The following RYR3 variants were observed in gnomAD, a reference collection of about 807,000 sequenced individuals.
The protein encoded by RYR3 is ryanodine receptor 3, also known as brain ryanodine receptor-calcium release channel.
Under a neutral mutation model 584.3 loss-of-function variants are expected in RYR3, and 207 were observed. The observed-to-expected ratio is 0.35, with a 90% CI of 0.32 to 0.40. The LOEUF (loss-of-function observed/expected upper bound fraction) is 0.40, where lower values mean the gene tolerates loss of function less well. RYR3 is among the 10% of genes least tolerant of loss of function. The probability of loss-of-function intolerance (pLI) is 1.00; values close to 1 mark genes in which losing one functional copy is unlikely to be tolerated. For synonymous variants in RYR3, 2,416 were observed against 2,248.5 expected (o/e 1.07, Z -2.11); for missense variants, 5,616 against 6,089.2 (o/e 0.92, Z 2.59).
At chr15:33,854,322 C>G in intron 96 of RYR3, 67 bp from the exon 97 acceptor site, 1 of 1,332,660 alleles carries the variant, frequency 7.5e-7, no homozygotes, top group Non-Finnish European at 1.0e-6. Context: ...CTTACTTTTT[C>G]CCCCTTATTG....
chr15:33,823,128 A>C, intron 81 of RYR3, 56 bp downstream of exon 81: 2 of 1,452,476 alleles, frequency 1.4e-6, no homozygotes, highest in Non-Finnish European at 1.9e-6. Flanking sequence ...TAAGCATAGG[A>C]GGCAGGGGAA....
intron 1 of RYR3, among the ~76,000 whole-genome samples, chr15:33,466,010 C>G (rs1188420171): frequency 6.6e-6 from 1 of 152,126 alleles, no homozygotes; most frequent in African/African-American, 2.4e-5. Flanking sequence ...ACTCAGAAAT[C>G]TGATTTTGGA....
At chr15:33,435,431 A>C (rs2045597844) in intron 1 of RYR3, among the ~76,000 whole-genome samples, 2 of 152,008 alleles carry the variant, frequency 1.3e-5, no homozygotes, top group Admixed American at 6.5e-5. Context: ...GCTTTTTTCC[A>C]GTCAGTGTAT....
chr15:33,825,899 A>AT (rs2077356483), intron 82 of RYR3: 1 of 503,838 alleles, frequency 2.0e-6, no homozygotes, highest in Non-Finnish European at 3.5e-6. Context: ...CAGCCAGCTA[A>AT]TTTTTTGTAT....
intron 1 of RYR3, among the ~76,000 whole-genome samples, chr15:33,463,569 A>G (rs891754886): frequency 1.3e-5 from 2 of 152,044 alleles, no homozygotes; most frequent in African/African-American, 2.4e-5. Flanking sequence ...TGTCATAGGT[A>G]ATAGGTCACT....
intron 5 of RYR3, among the ~76,000 whole-genome samples, chr15:33,535,142 G>A (rs1477061405): frequency 6.6e-6 from 1 of 152,244 alleles, no homozygotes; most frequent in Non-Finnish European, 1.5e-5. Context: ...TAAATAGGAA[G>A]AGGGTTCCAA....
intron 27 of RYR3, among the ~76,000 whole-genome samples, chr15:33,638,372 C>A (rs1026355425): frequency 1.4e-4 from 21 of 152,194 alleles, no homozygotes; most frequent in African/African-American, 5.1e-4. Context: ...TCAGGCACAT[C>A]TCCAAAGAAA....
intron 16 of RYR3, among the ~76,000 whole-genome samples, chr15:33,593,744 A>G (rs560093787): frequency 2.2e-4 from 34 of 152,236 alleles, no homozygotes; most frequent in Non-Finnish European, 4.0e-4. Context: ...CAAACTGTAG[A>G]AAATAATAAA....
At chr15:33,643,520 G>A (rs1204683081) in intron 27 of RYR3, among the ~76,000 whole-genome samples, 2 of 152,180 alleles carry the variant, frequency 1.3e-5, no homozygotes, top group South Asian at 2.1e-4. Flanking sequence ...GCTTTCTCTG[G>A]CTCCTGCTTG....
chr15:33,811,212 T>G (rs948478528), intron 72 of RYR3, among the ~76,000 whole-genome samples, 175 bp downstream of exon 72: 1 of 152,116 alleles, frequency 6.6e-6, no homozygotes, highest in Non-Finnish European at 1.5e-5. Context: ...TTTTAAAAAT[T>G]TACTGGTACA....
At chr15:33,358,040 C>A (rs1974229917) in intron 1 of RYR3, among the ~76,000 whole-genome samples, 1 of 152,180 alleles carries the variant, frequency 6.6e-6, no homozygotes, top group Non-Finnish European at 1.5e-5. Context: ...TGTGTCAGGG[C>A]ACGCTCTTAA....
intron 80 of RYR3, among the ~76,000 whole-genome samples, chr15:33,822,496 C>A (rs906778073): frequency 6.6e-6 from 1 of 152,210 alleles, no homozygotes; most frequent in Non-Finnish European, 1.5e-5. Flanking sequence ...TTCCCTTCTA[C>A]CACCTACCAC....
At chr15:33,499,096 C>A (rs533864882) in intron 2 of RYR3, among the ~76,000 whole-genome samples, 1 of 152,180 alleles carries the variant, frequency 6.6e-6, no homozygotes, top group East Asian at 1.9e-4. Flanking sequence ...CAAACTCCTC[C>A]TTGGCAAGAG....
intron 1 of RYR3, among the ~76,000 whole-genome samples, chr15:33,325,155 A>C (rs1969506588): frequency 6.6e-6 from 1 of 152,180 alleles, no homozygotes; most frequent in South Asian, 2.1e-4. Context: ...TGTTTGAGAA[A>C]CTGAAGGTTA....
chr15:33,827,384 A>G (rs2077433263), intron 85 of RYR3, 97 bp downstream of exon 85: 6 of 1,092,682 alleles, frequency 5.5e-6, no homozygotes, highest in African/African-American at 4.7e-5. Flanking sequence ...GATACAGTCA[A>G]GCCCCTATAA....
chr15:33,572,962 G>A (rs1052435026), intron 12 of RYR3, among the ~76,000 whole-genome samples: 3 of 151,952 alleles, frequency 2.0e-5, no homozygotes, highest in Non-Finnish European at 4.4e-5. Context: ...CAACAACAGC[G>A]AAATTCTGTC....
intron 1 of RYR3, among the ~76,000 whole-genome samples, chr15:33,379,687 C>CTCTCTCTCTCTCTATATATATATATA: frequency 1.0e-4 from 13 of 125,494 alleles, no homozygotes; most frequent in African/African-American, 1.4e-4. Context: ...CTCTCTCTCT[C>CTCTCTCTCTCTCTATATATATATATA]TATATATATA....
intron 20 of RYR3, among the ~76,000 whole-genome samples, chr15:33,626,217 A>G (rs145169431): frequency 5.9e-5 from 9 of 152,210 alleles, no homozygotes; most frequent in South Asian, 2.1e-4. Context: ...GACTTGTTGA[A>G]TGGCTTTGAC....
chr15:33,586,942 A>T (rs74005694), intron 16 of RYR3, among the ~76,000 whole-genome samples: 3,783 of 152,138 alleles, frequency 0.025, 157 homozygotes, highest in African/African-American at 0.087. Context: ...GCATGATGGG[A>T]CATGTGGGAC....
Sources: gnomAD v4.1 joint callset for allele counts (sites outside exome capture counted in the v4.1 genomes callset) on GRCh38, gnomAD v4.1.1 for gene constraint, MANE v1.5 for transcripts, NCBI Gene and HGNC (gene_info 2026-07-23, HGNC 2026-07-21) for gene names.